Variants in PADI3 observed in about 807,000 individuals in gnomAD.
PADI3 encodes the protein protein-arginine deiminase type-3.
A neutral mutation model predicts 71.5 loss-of-function variants in PADI3; 53 were observed. The ratio of observed to expected loss-of-function variants is 0.74; its 90% CI spans 0.59 to 0.93. The LOEUF (loss-of-function observed/expected upper bound fraction) is 0.93, where lower values mean the gene tolerates loss of function less well. Ranked by LOEUF, PADI3 falls within the 40% of genes least tolerant of loss-of-function variation. The pLI, the probability that PADI3 is intolerant of heterozygous loss-of-function variation, is 0.00. For missense variants in PADI3, 821 were observed against 868.0 expected (o/e 0.95, Z 0.68); for synonymous variants, 361 against 347.5 (o/e 1.04, Z -0.43).
At position 17,271,083 on chromosome 1, in the gene PADI3, T is replaced by A. The variant is rs752098569; in HGVS notation, c.952T>A (p.Cys318Ser). The A allele has an allele frequency of 6.2e-7, 1 of 1,613,918 alleles. No homozygotes were observed. Among genetic ancestry groups the A allele is most frequent in the South Asian group, 1.1e-5 (1 of 91,080 alleles). Residue 318 changes from cysteine to serine, a missense_variant, in exon 9 of 16, where the codon TGT (cysteine) becomes AGT (serine). By Grantham distance (112) the Cys-to-Ser change is moderately radical (BLOSUM62 -1). Transcript: ENST00000375460. ...TGTCCGTAGTGTGAGGAACAACACGTGTTTTGTGGATGCGGTGGCAGAGCT... is the reference window on the plus strand; with the variant it reads ...TGTCCGTAGTGTGAGGAACAACACGAGTTTTGTGGATGCGGTGGCAGAGCT... ...VYVCRVRNNT[C>S]FVDAVAELAR...
chr1:17,283,783 C>G lies in PADI3; in HGVS notation c.*704C>G, dbSNP rs1353876004. ...AAATCCAGCCTTGTCCAGAATCCTC[C>G]TGGAATTTCTTGGAGACGAAAGTAT... On this transcript the variant is annotated 3_prime_UTR_variant, in exon 16 of 16. Transcript: ENST00000375460. 6.6e-6 allele frequency: 1 copy of G among 152,260 alleles called. No homozygotes were observed. The highest frequency in any genetic ancestry group is 1.5e-5 in the Non-Finnish European group (1 of 68,080). The allele number at this position is 152,260 out of a possible 1,614,324, so 9.4% of individuals were successfully genotyped here. A position where few individuals can be genotyped will look rare whatever the true frequency, so the allele number is the denominator to read the frequency against.
chr1:17,271,163 C>G lies in PADI3; in HGVS notation c.1032C>G (p.Asn344Lys), dbSNP rs147183978. Reference sequence around the variant, plus strand: ...TCTGCCCACAGGCCGAGAACCGCAACGACCGCTGGATCCAGGTAACCACAG... The same window carrying G: ...TCTGCCCACAGGCCGAGAACCGCAAGGACCGCTGGATCCAGGTAACCACAG... ...LTICPQAENRNDRWIQDEMEL... is the reference protein window; with the variant it reads ...LTICPQAENRKDRWIQDEMEL... The change falls in exon 9 of 16, where the codon AAC becomes AAG. Residue 344 changes from asparagine to lysine, a missense_variant. Physicochemically the swap from Asn to Lys is moderately conservative, Grantham distance 94. Coordinates refer to ENST00000375460, the MANE Select transcript of PADI3 (RefSeq NM_016233.2). 6.2e-7 allele frequency: 1 copy of G among 1,612,868 alleles called. No individual in the cohort carries two copies. The highest frequency in any genetic ancestry group is 1.7e-5 in the Admixed American group (1 of 59,994).
intron 1 of PADI3, among the ~76,000 whole-genome samples, chr1:17,257,565 C>G (rs1309397633): frequency 6.6e-6 from 1 of 152,202 alleles, no homozygotes; most frequent in Non-Finnish European, 1.5e-5. Context: ...TGTGTCTGTC[C>G]CTCCCAACTG....
intron 13 of PADI3, among the ~76,000 whole-genome samples, chr1:17,280,102 C>CA (rs575637682): frequency 1.5e-3 from 225 of 152,314 alleles, no homozygotes; most frequent in African/African-American, 5.3e-3. Flanking sequence ...CCAGTGAACT[C>CA]AAATAAAGGT....
intron 10 of PADI3, among the ~76,000 whole-genome samples, chr1:17,274,273 G>C (rs1487367925): frequency 1.3e-5 from 2 of 152,206 alleles, no homozygotes; most frequent in Non-Finnish European, 2.9e-5. Flanking sequence ...TTGGCCACTT[G>C]AGCTGCTACT....
rs66624969 is a variant in PADI3 at position 17,270,485 on chromosome 1, C to CAA, written c.831+87_831+88dup. ...GCAACATGGTGAAACCCCATCTCTA[C>CAA]AAAAAAAAAAAAAATAGCGAGGTAT... On this transcript the variant is annotated intron_variant, in intron 7 of 15. Coordinates refer to ENST00000375460, the MANE Select transcript of PADI3 (RefSeq NM_016233.2). 9.2e-3 allele frequency: 9,300 copies of CAA among 1,012,000 alleles called. 1 individual carries two copies. The highest frequency in any genetic ancestry group is 0.016 in the South Asian group (907 of 56,226). The allele number at this position is 1,012,000 out of a possible 1,614,324, so 62.7% of individuals were successfully genotyped here.
At chr1:17,277,028 T>G in intron 13 of PADI3, 152 bp downstream of exon 13, 1 of 658,096 alleles carries the variant, frequency 1.5e-6, no homozygotes, top group Non-Finnish European at 2.6e-6. Context: ...ACACCTTGCT[T>G]CACCAGACAC....
chr1:17,259,836 T>G, intron 2 of PADI3, 78 bp downstream of exon 2: 42 of 1,302,794 alleles, frequency 3.2e-5, no homozygotes, highest in Middle Eastern at 2.1e-4. Flanking sequence ...CAACATTCTC[T>G]TTCTCCAGAG....
intron 3 of PADI3, among the ~76,000 whole-genome samples, chr1:17,263,847 G>A (rs1364861017): frequency 2.0e-5 from 3 of 152,172 alleles, no homozygotes. Flanking sequence ...AAGTCCCAGT[G>A]ATCAAAACCC....
At chr1:17,273,280 C>A in intron 9 of PADI3, 60 bp from the exon 10 acceptor site, 1 of 1,354,350 alleles carries the variant, frequency 7.4e-7, no homozygotes, top group Non-Finnish European at 1.0e-6. Context: ...CAGAGCCGAG[C>A]CAGCAGGGGC....
At chr1:17,263,622 A>C (rs1341373443) in intron 3 of PADI3, among the ~76,000 whole-genome samples, 1 of 152,252 alleles carries the variant, frequency 6.6e-6, no homozygotes, top group Non-Finnish European at 1.5e-5. Flanking sequence ...TGCAAAGACC[A>C]TAAGGGGAAA....
chr1:17,268,227 T>C (rs569377960), intron 6 of PADI3, among the ~76,000 whole-genome samples: 1 of 152,356 alleles, frequency 6.6e-6, no homozygotes, highest in East Asian at 1.9e-4. Flanking sequence ...GTAGAAATTC[T>C]TATCAAAAAT....
At position 17,276,839 on chromosome 1, in the gene PADI3, TGGCC is replaced by T; in HGVS notation, c.1519_1522del (p.Gly507ThrfsTer48). On this transcript the variant is annotated frameshift_variant, in exon 13 of 16. Transcript: ENST00000375460. LOFTEE classifies it high-confidence loss of function. ...AGCTCTTCCAGGAAAAGCAGAAGTG[TGGCC>T]ACGGGAGGGCCCTCCTGTTCCAGGG... The T allele has an allele frequency of 6.2e-7, 1 of 1,613,534 alleles. No individual in the cohort carries two copies. Among genetic ancestry groups the T allele is most frequent in the Non-Finnish European group, 8.5e-7 (1 of 1,179,806 alleles).
intron 3 of PADI3, 70 bp from the exon 4 acceptor site, chr1:17,265,589 C>T (rs1443393796): frequency 1.5e-6 from 2 of 1,360,826 alleles, no homozygotes; most frequent in Middle Eastern, 3.6e-4. Flanking sequence ...CCCAGACAAG[C>T]CCTGAGATCA....
rs745325253 is a variant in PADI3 at position 17,274,606 on chromosome 1, C to T, written c.1156-29C>T. 28 of 1,593,158 alleles carry T rather than the reference C, an allele frequency of 1.8e-5. No homozygotes were observed. The South Asian group carries it at 2.9e-4, about 17-fold the overall frequency. ...TTCAGGCCCTTCCTGGTACCCTCCACCCCCGCCTGACTTGGTTTCCCTCTC... is the reference window on the plus strand; with the variant it reads ...TTCAGGCCCTTCCTGGTACCCTCCATCCCCGCCTGACTTGGTTTCCCTCTC... On this transcript the variant is annotated intron_variant, in intron 10 of 15. Transcript: ENST00000375460.
intron 13 of PADI3, among the ~76,000 whole-genome samples, chr1:17,278,809 G>A (rs1487087738): frequency 6.6e-6 from 1 of 152,052 alleles, no homozygotes; most frequent in African/African-American, 2.4e-5. Flanking sequence ...ACACAGCTCA[G>A]AGAGAAAAAA....
At chr1:17,266,601 G>A in intron 4 of PADI3, 118 bp from the exon 5 acceptor site, 3 of 782,528 alleles carry the variant, frequency 3.8e-6, no homozygotes, top group East Asian at 2.4e-5. Context: ...GAGGTGCTTC[G>A]AGAACGTGGA....
In PADI3 at chr1:17,284,171, G is replaced by C. The variant is rs951900144; in HGVS notation, c.*1092G>C. The C allele has an allele frequency of 6.6e-6, 1 of 152,210 alleles. No individual in the cohort carries two copies. Among genetic ancestry groups the C allele is most frequent in the Non-Finnish European group, 1.5e-5 (1 of 68,084 alleles). The allele number at this position is 152,210 out of a possible 1,614,324, so 9.4% of individuals were successfully genotyped here. A position where few individuals can be genotyped will look rare whatever the true frequency, so the allele number is the denominator to read the frequency against. On this transcript the variant is annotated 3_prime_UTR_variant, in exon 16 of 16. Coordinates refer to ENST00000375460, the MANE Select transcript of PADI3 (RefSeq NM_016233.2). ...TTCTCGAGGTGTGTGCCAGCTACAC[G>C]TGTGTTCTGTATGGGTCCAGCTGCG... is the stretch of plus-strand genomic sequence containing the variant.
chr1:17,255,401 A>C lies in PADI3; in HGVS notation c.93-4177A>C, dbSNP rs185410210. Among the ~76,000 whole-genome samples, 116 of 152,266 alleles carry C rather than the reference A, an allele frequency of 7.6e-4. 1 individual carries two copies. Among genetic ancestry groups the C allele is most frequent in the African/African-American group, 2.6e-3 (107 of 41,556 alleles). On this transcript the variant is annotated intron_variant, in intron 1 of 15. Transcript: ENST00000375460. ...AGCCCTGGACAGGCCTGTGCATGGA[A>C]GCCTCAGCGGCGAGGGTCCAAGGCC...
Sources: gnomAD v4.1 joint callset for allele counts (sites outside exome capture counted in the v4.1 genomes callset) on GRCh38, gnomAD v4.1.1 for gene constraint, MANE v1.5 for transcripts, NCBI Gene and HGNC (gene_info 2026-07-23, HGNC 2026-07-21) for gene names.